SAMMSON: variants seen among roughly 807,000 people sequenced by gnomAD.
SAMMSON encodes the protein long intergenic non-protein coding RNA 1212.
At chr3:70,353,564 G>A (rs899554130) in intron 7 of SAMMSON, among the ~76,000 whole-genome samples, 3 of 152,166 alleles carry the variant, frequency 2.0e-5, no homozygotes, top group African/African-American at 4.8e-5. Flanking sequence ...AAAAAAAATA[G>A]TGACAACACT....
intron 4 of SAMMSON, among the ~76,000 whole-genome samples, chr3:70,123,820 G>T (rs943855832): frequency 1.3e-5 from 2 of 152,198 alleles, no homozygotes; most frequent in Admixed American, 6.5e-5. Flanking sequence ...GTGCAGGAAG[G>T]TAAAGCCTTC....
intron 4 of SAMMSON, among the ~76,000 whole-genome samples, chr3:70,227,182 A>G (rs1174807432): frequency 6.6e-6 from 1 of 152,198 alleles, no homozygotes; most frequent in Admixed American, 6.5e-5. Context: ...TGTCTTAGAA[A>G]TGCCATGATG....
At chr3:70,350,063 A>G (rs1482594001) in intron 7 of SAMMSON, among the ~76,000 whole-genome samples, 49 of 152,236 alleles carry the variant, frequency 3.2e-4, no homozygotes, top group Admixed American at 3.2e-3. Flanking sequence ...TAACTTGAAC[A>G]TGAGTGCTGG....
intron 7 of SAMMSON, among the ~76,000 whole-genome samples, chr3:70,293,821 T>G (rs2106695617): frequency 6.6e-6 from 1 of 152,052 alleles, no homozygotes; most frequent in Non-Finnish European, 1.5e-5. Flanking sequence ...AGGAACCTGG[T>G]TATATTTATT....
intron 7 of SAMMSON, among the ~76,000 whole-genome samples, chr3:70,341,898 A>G (rs984496027): frequency 3.3e-5 from 5 of 152,238 alleles, no homozygotes; most frequent in South Asian, 2.1e-4. Flanking sequence ...AATATTTACA[A>G]TAGATCAGTA....
At chr3:70,182,959 A>G (rs944386696) in intron 4 of SAMMSON, among the ~76,000 whole-genome samples, 1 of 152,190 alleles carries the variant, frequency 6.6e-6, no homozygotes, top group Admixed American at 6.5e-5. Context: ...GACTTCAACA[A>G]GAGAGTTAAC....
chr3:70,169,755 A>G (rs1245020061), intron 4 of SAMMSON, among the ~76,000 whole-genome samples: 1 of 151,124 alleles, frequency 6.6e-6, no homozygotes, highest in East Asian at 2.0e-4. Flanking sequence ...TAATAAATTT[A>G]GAGTTAGACT....
At chr3:70,369,088 T>G (rs1702944149) in intron 9 of SAMMSON, among the ~76,000 whole-genome samples, 1 of 151,634 alleles carries the variant, frequency 6.6e-6, no homozygotes, top group Non-Finnish European at 1.5e-5. Context: ...ACCTCAGTAT[T>G]TTATTTTTTG....
intron 6 of SAMMSON, among the ~76,000 whole-genome samples, chr3:70,283,248 TGTAAACTCATGCAGTCCTCTGA>T (rs1559553405): frequency 6.6e-6 from 1 of 152,106 alleles, no homozygotes; most frequent in Non-Finnish European, 1.5e-5. Context: ...GCGGGAACCT[TGTAAACTCATGCAGTCCTCTGA>T]TTGATTGCTT....
intron 7 of SAMMSON, among the ~76,000 whole-genome samples, chr3:70,304,232 G>C (rs1048832361): frequency 6.6e-6 from 1 of 151,944 alleles, no homozygotes. Context: ...GTTCTTTCCT[G>C]CCCCAGTGCC....
At chr3:70,433,252 G>A (rs1701430190) in intron 2 of SAMMSON, among the ~76,000 whole-genome samples, 1 of 152,084 alleles carries the variant, frequency 6.6e-6, no homozygotes, top group Non-Finnish European at 1.5e-5. Flanking sequence ...CTTCCAAAGT[G>A]GCTGTTTCAT....
intron 4 of SAMMSON, among the ~76,000 whole-genome samples, chr3:70,143,882 A>G (rs1559522491): frequency 6.6e-6 from 1 of 152,130 alleles, no homozygotes; most frequent in East Asian, 1.9e-4. Context: ...AGGACAGCAT[A>G]TGATAAACTT....
At chr3:70,370,077 G>A (rs1159506700) in intron 9 of SAMMSON, among the ~76,000 whole-genome samples, 22 of 151,558 alleles carry the variant, frequency 1.5e-4, no homozygotes, top group Admixed American at 1.4e-3. Context: ...ATCTCTCTGT[G>A]CCTGACATAT....
intron 4 of SAMMSON, among the ~76,000 whole-genome samples, chr3:70,122,874 T>C (rs1208654695): frequency 1.3e-5 from 2 of 152,230 alleles, no homozygotes; most frequent in African/African-American, 2.4e-5. Flanking sequence ...TTTCCAACCT[T>C]ACTGTTCTCG....
intron 4 of SAMMSON, chr3:70,205,168 A>G (rs1165672985): frequency 1.3e-5 from 2 of 152,140 alleles, no homozygotes; most frequent in Admixed American, 6.6e-5. Flanking sequence ...GAAATTTTAC[A>G]TAACACTCCT....
intron 4 of SAMMSON, among the ~76,000 whole-genome samples, chr3:70,124,493 G>A (rs1360961539): frequency 1.3e-5 from 2 of 152,122 alleles, no homozygotes; most frequent in African/African-American, 4.8e-5. Flanking sequence ...TGACATGTAA[G>A]CATTCTTTTA....
intron 1 of SAMMSON, among the ~76,000 whole-genome samples, chr3:70,004,751 A>G (rs1016632559): frequency 4.6e-5 from 7 of 152,018 alleles, no homozygotes; most frequent in Non-Finnish European, 1.5e-5. Context: ...ACACCACATT[A>G]CACAGGCAGT....
At chr3:70,377,207 T>C (rs966158839) in intron 9 of SAMMSON, among the ~76,000 whole-genome samples, 4 of 152,118 alleles carry the variant, frequency 2.6e-5, no homozygotes, top group African/African-American at 7.2e-5. Context: ...CTAAAAACTG[T>C]ATGAAACAGA....
intron 4 of SAMMSON, among the ~76,000 whole-genome samples, chr3:70,199,528 C>A (rs1701215180): frequency 6.6e-6 from 1 of 152,012 alleles, no homozygotes; most frequent in African/African-American, 2.4e-5. Context: ...GTCTCTTGCC[C>A]AAAAACAACA....
Sources: allele counts gnomAD v4.1 joint callset (sites outside exome capture counted in the v4.1 genomes callset), GRCh38; gene constraint gnomAD v4.1.1; transcripts MANE v1.5; gene names NCBI Gene and HGNC (gene_info 2026-07-23, HGNC 2026-07-21).